RNF220: variants seen among roughly 807,000 people sequenced by gnomAD.
RNF220 encodes the protein E3 ubiquitin-protein ligase RNF220.
Under a neutral mutation model 67.1 loss-of-function variants are expected in RNF220, and 7 were observed. The observed-to-expected ratio is 0.10, with a 90% CI of 0.06 to 0.20. The LOEUF is 0.20. Among genes scored for constraint, RNF220 ranks in the 10% least tolerant of loss-of-function variants. RNF220 has a pLI of 1.00. For missense variants in RNF220, 565 were observed against 740.3 expected (o/e 0.76, Z 2.75); for synonymous variants, 270 against 283.2 (o/e 0.95, Z 0.47).
At chr1:44,551,424 G>C (rs79750352) in intron 2 of RNF220, among the ~76,000 whole-genome samples, 1 of 137,968 alleles carries the variant, frequency 7.2e-6, no homozygotes, top group Admixed American at 7.4e-5. Context: ...CATTTTTTTT[G>C]TTATTATTAA....
chr1:44,640,630 G>A (rs941064276), intron 8 of RNF220, among the ~76,000 whole-genome samples: 5 of 152,298 alleles, frequency 3.3e-5, no homozygotes, highest in East Asian at 1.9e-4. Flanking sequence ...GGCTAAGTGC[G>A]TTTGACACAC....
intron 2 of RNF220, among the ~76,000 whole-genome samples, chr1:44,491,948 G>A (rs1291845075): frequency 6.6e-6 from 1 of 152,166 alleles, no homozygotes; most frequent in African/African-American, 2.4e-5. Context: ...ACAGGTGTGA[G>A]CCACTGTGCC....
intron 3 of RNF220, among the ~76,000 whole-genome samples, chr1:44,615,941 G>A (rs1643528664): frequency 6.6e-6 from 1 of 152,210 alleles, no homozygotes; most frequent in African/African-American, 2.4e-5. Context: ...TGAAGCTGCA[G>A]TCAAGATGTC....
At position 44,417,021 on chromosome 1, in the gene RNF220, G is replaced by A. The variant is rs1572427467; in HGVS notation, c.625+4299G>A. The stretch of plus-strand genomic sequence containing the variant: ...GGGGTGAGGGGGGATACTTTCCAAG[G>A]GCTCTGGGACTGGGGTGGGCAGGGA... On this transcript the variant is annotated intron_variant, in intron 2 of 14. Transcript: ENST00000361799. This position sits in a 1 kb window ranked among gnomAD's most constrained non-coding sequence, Gnocchi z 4.0. 6.6e-6 allele frequency among the ~76,000 whole-genome samples: 1 copy of A among 152,110 alleles called. No homozygotes were observed. Among genetic ancestry groups the A allele is most frequent in the East Asian group, 1.9e-4 (1 of 5,170 alleles).
At chr1:44,527,372 G>C (rs1369857248) in intron 2 of RNF220, among the ~76,000 whole-genome samples, 1 of 150,022 alleles carries the variant, frequency 6.7e-6, no homozygotes, top group Non-Finnish European at 1.5e-5. Flanking sequence ...AAGGAGGAAA[G>C]GAAGGAAGGA....
intron 2 of RNF220, among the ~76,000 whole-genome samples, chr1:44,460,419 G>A (rs1475820693): frequency 6.6e-6 from 1 of 152,182 alleles, no homozygotes; most frequent in Non-Finnish European, 1.5e-5. Context: ...TGGAGCAGTA[G>A]GAAATTGGAA....
rs1212642855 is a variant in RNF220 at position 44,405,286 on chromosome 1, G to A, written c.-362G>A. 2.3e-6 allele frequency: 1 copy of A among 442,026 alleles called. No individual in the cohort carries two copies. Among genetic ancestry groups the A allele is most frequent in the Non-Finnish European group, 4.0e-6 (1 of 248,384 alleles). The allele number at this position is 442,026 out of a possible 1,614,324, so 27.4% of individuals were successfully genotyped here. A position where few individuals can be genotyped will look rare whatever the true frequency, so the allele number is the denominator to read the frequency against. ...TGATTAGATCCAGCGCTGAGAGGCA[G>A]CACTGCTCCTTCTCTCACGCCAACT... On this transcript the variant is annotated 5_prime_UTR_variant, in exon 1 of 15. Transcript: ENST00000361799.
At chr1:44,554,016 C>T (rs759688313) in intron 2 of RNF220, among the ~76,000 whole-genome samples, 5 of 152,176 alleles carry the variant, frequency 3.3e-5, no homozygotes, top group Non-Finnish European at 7.3e-5. Flanking sequence ...TCTCTCCTCT[C>T]GTTCTCTAAT....
chr1:44,523,305 G>T (rs1271986657), intron 2 of RNF220, among the ~76,000 whole-genome samples: 2 of 152,184 alleles, frequency 1.3e-5, no homozygotes, highest in Non-Finnish European at 2.9e-5. Context: ...CTGCCCCGGG[G>T]AAGGGTCTGG....
chr1:44,440,540 T>C (rs1651441059), intron 2 of RNF220, among the ~76,000 whole-genome samples: 2 of 152,210 alleles, frequency 1.3e-5, no homozygotes, highest in Admixed American at 6.5e-5. Context: ...AGACATTGTC[T>C]CCATTTTATA....
intron 2 of RNF220, among the ~76,000 whole-genome samples, chr1:44,473,507 G>A (rs1655008597): frequency 9.7e-6 from 1 of 102,710 alleles, no homozygotes; most frequent in East Asian, 3.4e-4. Flanking sequence ...GGGGGGCGGG[G>A]CGGGTCTCAG....
chr1:44,508,594 G>A (rs541013308), intron 2 of RNF220, among the ~76,000 whole-genome samples: 3 of 152,304 alleles, frequency 2.0e-5, no homozygotes, highest in African/African-American at 7.2e-5. Context: ...TGGCACCACA[G>A]AACGTAACAC....
rs577760277 is a variant in RNF220, at chr1:44,645,738, C to G, written c.1445+250C>G. Among the ~76,000 whole-genome samples the G allele has an allele frequency of 6.6e-6, 1 of 152,374 alleles. No individual in the cohort carries two copies. The highest frequency in any genetic ancestry group is 2.1e-4 in the South Asian group (1 of 4,830). ...GTCCACCCGCCTGCCTGCCTGCCTG[C>G]CCGCCTGCTGCGGCGGCCTTCGCCC... On this transcript the variant is annotated intron_variant, in intron 12 of 14. Coordinates refer to ENST00000361799, the MANE Select transcript of RNF220 (RefSeq NM_018150.4). This position sits in a 1 kb window ranked among gnomAD's most constrained non-coding sequence, Gnocchi z 5.0.
chr1:44,537,095 G>A (rs1055018341), intron 2 of RNF220, among the ~76,000 whole-genome samples: 2 of 151,696 alleles, frequency 1.3e-5, no homozygotes, highest in East Asian at 1.9e-4. Context: ...TGATGGAAAC[G>A]GCCCATGACA....
chr1:44,623,201 G>A (rs1464643258), intron 4 of RNF220, among the ~76,000 whole-genome samples: 1 of 152,112 alleles, frequency 6.6e-6, no homozygotes, highest in Non-Finnish European at 1.5e-5. Context: ...GCACAGGGGT[G>A]TATGAATGTG....
chr1:44,599,838 G>C (rs1047794285), intron 2 of RNF220, among the ~76,000 whole-genome samples: 2 of 152,150 alleles, frequency 1.3e-5, no homozygotes, highest in African/African-American at 4.8e-5. Context: ...AGTTCAGAAT[G>C]TATGCTGTGG....
chr1:44,512,955 G>A (rs1659142769), intron 2 of RNF220, among the ~76,000 whole-genome samples: 1 of 152,148 alleles, frequency 6.6e-6, no homozygotes, highest in African/African-American at 2.4e-5. Context: ...GAGGGACCAA[G>A]CCAACCCACC....
intron 2 of RNF220, among the ~76,000 whole-genome samples, chr1:44,491,620 T>C (rs192765238): frequency 2.6e-5 from 4 of 152,042 alleles, no homozygotes; most frequent in Non-Finnish European, 5.9e-5. Context: ...AAAGACTGGA[T>C]GCTTCCTCCC....
intron 2 of RNF220, among the ~76,000 whole-genome samples, chr1:44,449,056 A>G (rs899124746): frequency 6.6e-6 from 1 of 152,200 alleles, no homozygotes; most frequent in Non-Finnish European, 1.5e-5. Context: ...CAAACTCAAC[A>G]TGTCAAAACT....
Sources: allele counts gnomAD v4.1 joint callset (sites outside exome capture counted in the v4.1 genomes callset), GRCh38; gene constraint gnomAD v4.1.1; non-coding constraint Gnocchi (gnomAD v3.1); transcripts MANE v1.5; gene names NCBI Gene and HGNC (gene_info 2026-07-23, HGNC 2026-07-21).